Variants in SARAF observed in about 807,000 individuals in gnomAD.
SARAF encodes the protein store-operated calcium entry-associated regulatory factor.
SARAF carries 23 observed loss-of-function variants against 39.7 expected under a neutral mutation model. That is an observed-to-expected ratio of 0.58 (90% CI 0.42 to 0.82). The LOEUF (loss-of-function observed/expected upper bound fraction) is 0.82, where lower values mean the gene tolerates loss of function less well. Ranked by LOEUF, SARAF falls within the 40% of genes least tolerant of loss-of-function variation. The pLI is 0.00. For synonymous variants in SARAF, 175 were observed against 168.5 expected (o/e 1.04, Z -0.30); for missense variants, 384 against 418.5 (o/e 0.92, Z 0.72).
At position 30,082,785 on chromosome 8, in the gene SARAF, G is replaced by A. The variant is rs1802138355; in HGVS notation, c.103+62C>T. 5 of 1,340,720 alleles carry A rather than the reference G, an allele frequency of 3.7e-6. No individual in the cohort carries two copies. In the South Asian group the frequency reaches 5.7e-5, roughly 15 times the overall value. The allele number at this position is 1,340,720 out of a possible 1,614,324, so 83.1% of individuals were successfully genotyped here. ...GGCGCACGGAAACGCAGGGGAGCCT[G>A]CACCGGCTGACGGCGGCGGAAAAGG... On this transcript the variant is annotated intron_variant, in intron 1 of 5. Transcript: ENST00000256255.
intron 1 of SARAF, 28 bp from the exon 2 acceptor site, chr8:30,074,083 CAAAG>C: frequency 6.2e-7 from 1 of 1,600,758 alleles, no homozygotes; most frequent in South Asian, 1.1e-5. Context: ...CAGAGGAACA[CAAAG>C]TAAGTATCGT....
chr8:30,066,024 A>AT lies in SARAF; in HGVS notation c.957dup (p.Cys320MetfsTer23). On this transcript the variant is annotated frameshift_variant, in exon 5 of 6. Coordinates refer to ENST00000256255, the MANE Select transcript of SARAF (RefSeq NM_016127.6). LOFTEE classifies it high-confidence loss of function. ...CTGGTTTTCGTGTCTGAGTTTGAAC[A>AT]TACCGAATAGCTGCCCGAGCCTCCA... 6.2e-7 allele frequency: 1 copy of AT among 1,614,178 alleles called. No homozygotes were observed. Among genetic ancestry groups the AT allele is most frequent in the South Asian group, 1.1e-5 (1 of 91,088 alleles).
intron 1 of SARAF, among the ~76,000 whole-genome samples, chr8:30,075,219 G>T (rs1030261882): frequency 4.6e-5 from 7 of 151,040 alleles, no homozygotes; most frequent in Non-Finnish European, 1.0e-4. Context: ...AGAATCGCTT[G>T]AACCTGGGAG....
chr8:30,073,356 GCTC>G (rs1801887009), intron 2 of SARAF, among the ~76,000 whole-genome samples: 1 of 152,174 alleles, frequency 6.6e-6, no homozygotes, highest in African/African-American at 2.4e-5. Context: ...GAGATGCTCT[GCTC>G]GTATACAAAA....
At chr8:30,073,827 T>G in intron 2 of SARAF, 50 bp downstream of exon 2, 1 of 1,534,850 alleles carries the variant, frequency 6.5e-7, no homozygotes, top group South Asian at 1.2e-5. Flanking sequence ...AATAAACAAT[T>G]TACTGAATAA....
At chr8:30,073,848 T>C (rs1343628786) in intron 2 of SARAF, 29 bp downstream of exon 2, 4 of 1,591,926 alleles carry the variant, frequency 2.5e-6, no homozygotes, top group South Asian at 1.1e-5. Context: ...AAACCCCATT[T>C]AGACTGCCAT....
Position 30,069,789 on chromosome 8 carries a change from T to A in SARAF, c.553A>T (p.Ile185Phe), listed in dbSNP as rs552597698. 117 of 1,614,050 alleles carry A rather than the reference T, an allele frequency of 7.2e-5. 1 individual carries two copies. The South Asian group carries it at 1.2e-3, about 16-fold the overall frequency. The change falls in exon 3 of 6, where the codon ATC becomes TTC. Residue 185 changes from isoleucine to phenylalanine, a missense_variant. By Grantham distance (21) the Ile-to-Phe change is conservative. Coordinates refer to ENST00000256255, the MANE Select transcript of SARAF (RefSeq NM_016127.6). ...AACAGCTTATAGACTACAAACGCGA[T>A]CCCAAGGAGTACCACAATGGTAATC... ...GLITIVVLLG[I>F]AFVVYKLFLS...
intron 3 of SARAF, 64 bp downstream of exon 3, chr8:30,069,578 A>G (rs747573287): frequency 2.7e-5 from 39 of 1,470,038 alleles, no homozygotes; most frequent in Non-Finnish European, 3.0e-5. Flanking sequence ...CTATTTCAGA[A>G]CCAAGCACAG....
At chr8:30,065,835 A>G in intron 5 of SARAF, 153 bp downstream of exon 5, 1 of 843,962 alleles carries the variant, frequency 1.2e-6, no homozygotes, top group Non-Finnish European at 1.9e-6. Context: ...AGAATGTTTA[A>G]AAGTGGGATC....
At chr8:30,064,334 C>T (rs534229490) in intron 5 of SARAF, among the ~76,000 whole-genome samples, 44 of 151,850 alleles carry the variant, frequency 2.9e-4, no homozygotes, top group Non-Finnish European at 5.9e-4. Flanking sequence ...ACTTAAGACA[C>T]TGTGCGCACA....
chr8:30,070,611 A>C (rs2117429315), intron 2 of SARAF, among the ~76,000 whole-genome samples: 1 of 152,302 alleles, frequency 6.6e-6, no homozygotes, highest in Non-Finnish European at 1.5e-5. Flanking sequence ...ACTATTCTTT[A>C]CATATACATG....
At position 30,074,050 on chromosome 8, in the gene SARAF, T is replaced by C; in HGVS notation, c.109A>G (p.Met37Val). 1.2e-6 allele frequency: 2 copies of C among 1,613,314 alleles called. No homozygotes were observed. Among genetic ancestry groups the C allele is most frequent in the Non-Finnish European group, 1.7e-6 (2 of 1,179,522 alleles). ...PALGWNDPDR[M>V]LLRDVKALTL... The stretch of plus-strand genomic sequence containing the variant: ...AGAGCTTTTACATCCCGCAGCAACA[T>C]TCTGTCTGAAACAGCAAGAAAACAG... Residue 37 changes from methionine to valine, a missense_variant, in exon 2 of 6, where the codon ATG becomes GTG. Met to Val is a conservative substitution (Grantham distance 21). Coordinates refer to ENST00000256255, the MANE Select transcript of SARAF (RefSeq NM_016127.6).
chr8:30,083,017 GCGACGCTGCGC>G lies in SARAF; in HGVS notation c.-79_-69del. On this transcript the variant is annotated 5_prime_UTR_variant, in exon 1 of 6. Coordinates refer to ENST00000256255, the MANE Select transcript of SARAF (RefSeq NM_016127.6). Reference sequence around the variant, plus strand: ...GCCGAACCTGGGTGCGGTAGCGCGCGCGACGCTGCGCAGCTACACCGCTACCCCTGGCGGCG... The same window carrying G: ...GCCGAACCTGGGTGCGGTAGCGCGCGAGCTACACCGCTACCCCTGGCGGCG... 1 of 1,213,784 alleles carries G rather than the reference GCGACGCTGCGC, an allele frequency of 8.2e-7. No homozygotes were observed. The highest frequency in any genetic ancestry group is 1.1e-6 in the Non-Finnish European group (1 of 875,836). The allele number at this position is 1,213,784 out of a possible 1,614,324, so 75.2% of individuals were successfully genotyped here.
Position 30,070,154 on chromosome 8 carries a change from A to T in SARAF, c.283-95T>A, listed in dbSNP as rs1801804491. ...GCCGGGCGCAGTGGCTCACACCTGTAATCTCAGCACTTTCGGAGGCCAAGG... is the reference window on the plus strand; with the variant it reads ...GCCGGGCGCAGTGGCTCACACCTGTTATCTCAGCACTTTCGGAGGCCAAGG... On this transcript the variant is annotated intron_variant, in intron 2 of 5. Transcript: ENST00000256255. 7 of 1,148,548 alleles carry T rather than the reference A, an allele frequency of 6.1e-6. No individual in the cohort carries two copies. In the Admixed American group the frequency reaches 1.2e-4, roughly 19 times the overall value. The allele number at this position is 1,148,548 out of a possible 1,614,324, so 71.1% of individuals were successfully genotyped here. A position where few individuals can be genotyped will look rare whatever the true frequency, so the allele number is the denominator to read the frequency against.
In SARAF at chr8:30,074,134, G is replaced by A. The variant is rs1410668401; in HGVS notation, c.104-79C>T. On this transcript the variant is annotated intron_variant, in intron 1 of 5. Transcript: ENST00000256255. ...AAAGGTTCATCCTAACGAAACTCTCGTCATAGGAAATGCCTTTCTTGCCTT... is the reference window on the plus strand; with the variant it reads ...AAAGGTTCATCCTAACGAAACTCTCATCATAGGAAATGCCTTTCTTGCCTT... The A allele has an allele frequency of 4.1e-6, 6 of 1,481,012 alleles. No homozygotes were observed. In the African/African-American group the frequency reaches 5.6e-5, roughly 14 times the overall value. The allele number at this position is 1,481,012 out of a possible 1,614,324, so 91.7% of individuals were successfully genotyped here.
chr8:30,065,651 G>T, intron 5 of SARAF: 2 of 225,650 alleles, frequency 8.9e-6, no homozygotes, highest in African/African-American at 2.3e-5. Context: ...TTTTTTGAAT[G>T]TTATTGAATT....
At chr8:30,081,403 G>C (rs972437127) in intron 1 of SARAF, among the ~76,000 whole-genome samples, 1 of 152,086 alleles carries the variant, frequency 6.6e-6, no homozygotes, top group African/African-American at 2.4e-5. Context: ...ACAAATTAAA[G>C]TTTCATTCTA....
At chr8:30,066,246 T>C in intron 4 of SARAF, 107 bp from the exon 5 acceptor site, 1 of 1,187,088 alleles carries the variant, frequency 8.4e-7, no homozygotes, top group Non-Finnish European at 1.2e-6. Context: ...TCAAGTATTT[T>C]TTCCTGAATG....
chr8:30,075,991 C>CAAAAAAAAAAAA (rs1300124776), intron 1 of SARAF, among the ~76,000 whole-genome samples: 2 of 30,994 alleles, frequency 6.5e-5, no homozygotes, highest in East Asian at 7.6e-4. Flanking sequence ...TAAAAAAAAA[C>CAAAAAAAAAAAA]AAAAAAAAAA....
Sources: allele counts gnomAD v4.1 joint callset (sites outside exome capture counted in the v4.1 genomes callset), GRCh38; gene constraint gnomAD v4.1.1; transcripts MANE v1.5; gene names NCBI Gene and HGNC (gene_info 2026-07-23, HGNC 2026-07-21).